The following C12orf42 variants were observed in gnomAD, a reference collection of about 807,000 sequenced individuals.
The protein encoded by C12orf42 is uncharacterized protein C12orf42.
Under a neutral mutation model 21.6 loss-of-function variants are expected in C12orf42, and 25 were observed. That is an observed-to-expected ratio of 1.16 (90% CI 0.84 to 1.62). The LOEUF (loss-of-function observed/expected upper bound fraction) is 1.62, where lower values mean the gene tolerates loss of function less well. Ranked by LOEUF, C12orf42 falls within the 40% of genes most tolerant of loss-of-function variation. The pLI is 0.00. For missense variants in C12orf42, 483 were observed against 459.3 expected, an observed-to-expected ratio of 1.05 and a Z score of -0.47; for synonymous variants, 174 against 175.0, an observed-to-expected ratio of 0.99 and a Z score of 0.05.
chr12:103,071,316 C>T, the C12orf42 span, among the ~76,000 whole-genome samples: 1 of 151,944 alleles, frequency 6.6e-6, no homozygotes, highest in Non-Finnish European at 1.5e-5. Flanking sequence ...GCTGAAAAAC[C>T]CCTTAAAGAT....
At chr12:103,395,492 C>T (rs984523306) in intron 3 of C12orf42, among the ~76,000 whole-genome samples, 2 of 152,074 alleles carry the variant, frequency 1.3e-5, no homozygotes, top group East Asian at 1.9e-4. Context: ...CCCACCACCA[C>T]GCCCGGCTAA....
chr12:103,273,898 T>C, intron 5 of C12orf42: 1 of 456,132 alleles, frequency 2.2e-6, no homozygotes, highest in Non-Finnish European at 4.4e-6. Flanking sequence ...AAAGCCAAAG[T>C]CCAAGGAGGA....
intron 3 of C12orf42, among the ~76,000 whole-genome samples, chr12:103,394,805 T>C (rs763255259): frequency 7.2e-5 from 11 of 151,748 alleles, no homozygotes; most frequent in Non-Finnish European, 1.5e-4. Context: ...AACTCCAAAC[T>C]GTGGCAGAGA....
Position 103,305,411 on chromosome 12 carries a change from C to G in C12orf42, c.631+563G>C, listed in dbSNP as rs151320111. Among the ~76,000 whole-genome samples the G allele has an allele frequency of 4.6e-5, 7 of 152,246 alleles. No individual in the cohort carries two copies. The East Asian group carries it at 1.4e-3, about 29-fold the overall frequency. ...TCATTTAATTTGAAGTAATAATTGT[C>G]ATTTTTTACAGATGAAAAAACTGGG... On this transcript the variant is annotated intron_variant, in intron 5 of 5. Transcript: ENST00000548883.
At chr12:103,250,219 G>A (rs986794845) in intron 10 of C12orf42, among the ~76,000 whole-genome samples, 11 of 151,900 alleles carry the variant, frequency 7.2e-5, no homozygotes, top group African/African-American at 2.4e-4. Flanking sequence ...ACTGAGATAG[G>A]CCTTGCTTCA....
the C12orf42 span, among the ~76,000 whole-genome samples, chr12:103,108,097 T>C: frequency 6.6e-6 from 1 of 151,190 alleles, no homozygotes; most frequent in Non-Finnish European, 1.5e-5. Flanking sequence ...ACACCACCTG[T>C]TCCCCAAAAA....
chr12:103,114,376 A>G, the C12orf42 span, among the ~76,000 whole-genome samples: 1 of 152,176 alleles, frequency 6.6e-6, no homozygotes, highest in African/African-American at 2.4e-5. Flanking sequence ...CTGTCTCTTA[A>G]TCTGATGGTC....
the C12orf42 span, among the ~76,000 whole-genome samples, chr12:103,538,323 T>C: frequency 6.6e-6 from 1 of 152,264 alleles, no homozygotes; most frequent in Non-Finnish European, 1.5e-5. Context: ...AAAATACAGA[T>C]GGAAGAATGC....
At chr12:103,294,616 G>GAAAGAA (rs1566026032) in intron 4 of C12orf42, among the ~76,000 whole-genome samples, 2 of 137,214 alleles carry the variant, frequency 1.5e-5, no homozygotes, top group Non-Finnish European at 3.1e-5. Flanking sequence ...AAGAAAGAAA[G>GAAAGAA]AAAGAAAGAA....
At chr12:103,148,995 G>T in the C12orf42 span, among the ~76,000 whole-genome samples, 3 of 152,272 alleles carry the variant, frequency 2.0e-5, no homozygotes, top group African/African-American at 7.2e-5. Context: ...ACTAGTCAGT[G>T]TATAATCCTT....
the C12orf42 span, among the ~76,000 whole-genome samples, chr12:103,181,647 T>C: frequency 6.6e-6 from 1 of 152,258 alleles, no homozygotes; most frequent in Non-Finnish European, 1.5e-5. Flanking sequence ...TAGTTTTATG[T>C]AAACTGTGAA....
intron 1 of C12orf42, among the ~76,000 whole-genome samples, chr12:103,489,470 C>T (rs1955049242): frequency 6.6e-6 from 1 of 152,206 alleles, no homozygotes; most frequent in South Asian, 2.1e-4. Context: ...CTGGGAGAAC[C>T]ACTGCTCTCC....
At chr12:103,481,914 T>C (rs1002117528) in intron 1 of C12orf42, among the ~76,000 whole-genome samples, 4 of 151,994 alleles carry the variant, frequency 2.6e-5, no homozygotes, top group African/African-American at 9.7e-5. Flanking sequence ...TTTACCTTTA[T>C]AATAAAACAT....
chr12:103,057,944 T>C, the C12orf42 span, among the ~76,000 whole-genome samples: 22,938 of 151,894 alleles, frequency 0.15, 2,242 homozygotes, highest in East Asian at 0.5. Context: ...ATTTCTCTAA[T>C]GATCAGTGAT....
At chr12:103,269,056 A>G (rs1276217624) in intron 6 of C12orf42, 2 of 152,134 alleles carry the variant, frequency 1.3e-5, no homozygotes, top group African/African-American at 4.8e-5. Flanking sequence ...AGTAACCACA[A>G]ACAAGGAGGG....
At chr12:103,086,402 T>C in the C12orf42 span, among the ~76,000 whole-genome samples, 7 of 151,730 alleles carry the variant, frequency 4.6e-5, no homozygotes, top group African/African-American at 1.7e-4. Context: ...TATTTCTAAT[T>C]CATAGCAAAC....
the C12orf42 span, among the ~76,000 whole-genome samples, chr12:103,150,974 C>G: frequency 1.3e-5 from 2 of 152,170 alleles, no homozygotes; most frequent in Non-Finnish European, 2.9e-5. Flanking sequence ...GAGTCTCACT[C>G]TGTCACCCAG....
At chr12:103,082,515 T>C in the C12orf42 span, among the ~76,000 whole-genome samples, 3 of 152,248 alleles carry the variant, frequency 2.0e-5, no homozygotes, top group Non-Finnish European at 2.9e-5. Context: ...ATTTATTCAA[T>C]AAATATCTGT....
At chr12:103,215,927 C>T in the C12orf42 span, among the ~76,000 whole-genome samples, 1 of 152,204 alleles carries the variant, frequency 6.6e-6, no homozygotes. Context: ...TCTCAAGTGT[C>T]TCCCTCTCGG....
Sources: allele counts gnomAD v4.1 joint callset (sites outside exome capture counted in the v4.1 genomes callset), GRCh38; gene constraint gnomAD v4.1.1; transcripts MANE v1.5; gene names NCBI Gene and HGNC (gene_info 2026-07-23, HGNC 2026-07-21).